The following TIAM2 variants were observed in gnomAD, a reference collection of about 807,000 sequenced individuals.
TIAM2 encodes the protein TIAM Rac1 associated GEF 2, also known as rho guanine nucleotide exchange factor TIAM2.
A neutral mutation model predicts 152.9 loss-of-function variants in TIAM2; 80 were observed. The ratio of observed to expected loss-of-function variants is 0.52; its 90% confidence interval spans 0.44 to 0.63. The LOEUF (loss-of-function observed/expected upper bound fraction) is 0.63, where lower values mean the gene tolerates loss of function less well. TIAM2 is among the 30% of genes least tolerant of loss of function. The probability of loss-of-function intolerance (pLI) is 0.00; values close to 1 mark genes in which losing one functional copy is unlikely to be tolerated. For missense variants in TIAM2, 1,965 were observed against 2,120.1 expected (o/e 0.93, Z 1.44); for synonymous variants, 804 against 838.0 (o/e 0.96, Z 0.70).
At position 155,214,467 on chromosome 6, in the gene TIAM2, C is replaced by T. The variant is rs1029517145; in HGVS notation, c.3168+3160C>T. 5.9e-5 allele frequency among the ~76,000 whole-genome samples: 9 copies of T among 152,290 alleles called. No homozygotes were observed. Among genetic ancestry groups the T allele is most frequent in the Non-Finnish European group, 1.2e-4 (8 of 68,014 alleles). On this transcript the variant is annotated intron_variant, in intron 15 of 26. Coordinates refer to ENST00000682666, the MANE Select transcript of TIAM2 (RefSeq NM_012454.4). This position sits in a 1 kb window ranked among gnomAD's most constrained non-coding sequence, Gnocchi z 5.4. ...AAGCAGCTATGGGCTCTCAGCCTCC[C>T]CTCTCTTCTCCCTTTCACTTCCTCA...
intron 1 of TIAM2, among the ~76,000 whole-genome samples, chr6:155,054,175 C>G (rs751946588): frequency 6.6e-6 from 1 of 151,818 alleles, no homozygotes; most frequent in Non-Finnish European, 1.5e-5. Flanking sequence ...CTGCATCTCA[C>G]AAACAAAACA....
At chr6:155,253,105 C>T (rs1347659720) in intron 24 of TIAM2, 52 bp downstream of exon 24, 2 of 1,446,590 alleles carry the variant, frequency 1.4e-6, no homozygotes, top group Non-Finnish European at 1.9e-6. Flanking sequence ...GTAGACTTAA[C>T]TGTGGAATGT....
intron 9 of TIAM2, among the ~76,000 whole-genome samples, chr6:155,172,039 A>C (rs1467902179): frequency 6.6e-6 from 1 of 152,184 alleles, no homozygotes; most frequent in African/African-American, 2.4e-5. Flanking sequence ...GAACACACGG[A>C]GTTTCAATTT....
At chr6:155,168,736 C>A in intron 9 of TIAM2, 1 of 842,508 alleles carries the variant, frequency 1.2e-6, no homozygotes, top group Non-Finnish European at 1.8e-6. Flanking sequence ...TGATATGAAG[C>A]TCTTCTAAAA....
chr6:155,012,385 C>G (rs1778504327), intron 1 of TIAM2, among the ~76,000 whole-genome samples: 1 of 152,066 alleles, frequency 6.6e-6, no homozygotes, highest in Admixed American at 6.6e-5. Flanking sequence ...TGTAGTCTTA[C>G]AGAAAGCACA....
chr6:155,083,348 CAAA>C lies in TIAM2; in HGVS notation c.-208-6923_-208-6921del, dbSNP rs574203207. 2.5e-3 allele frequency among the ~76,000 whole-genome samples: 224 copies of C among 89,912 alleles called. 1 individual carries two copies. The Middle Eastern group carries it at 0.028, about 11-fold the overall frequency. The allele number at this position is 89,912 out of a possible 152,430, so 59.0% of individuals were successfully genotyped here. On this transcript the variant is annotated intron_variant, in intron 1 of 26. Transcript: ENST00000682666. ...TGGGCAACAGAGTGAGACTTTATCTCAAAAAAAAAAAAAAAAAAAAGAGAGAGA... is the reference window on the plus strand; with the variant it reads ...TGGGCAACAGAGTGAGACTTTATCTCAAAAAAAAAAAAAAAAAGAGAGAGA...
In TIAM2 at chr6:155,248,258, G is replaced by C. The variant is rs559665245; in HGVS notation, c.3832+79G>C. 29 of 1,482,336 alleles carry C rather than the reference G, an allele frequency of 2.0e-5. No homozygotes were observed. In the African/African-American group the frequency reaches 3.1e-4, roughly 16 times the overall value. The allele number at this position is 1,482,336 out of a possible 1,614,324, so 91.8% of individuals were successfully genotyped here. A position where few individuals can be genotyped will look rare whatever the true frequency, so the allele number is the denominator to read the frequency against. ...TGCCAGCCGTGCCCTGGGCCTGACA[G>C]CTCACCTCTTCCCCGCCTAGTGGCA... On this transcript the variant is annotated intron_variant, in intron 20 of 26. Coordinates refer to ENST00000682666, the MANE Select transcript of TIAM2 (RefSeq NM_012454.4).
chr6:155,078,063 T>G lies in TIAM2; in HGVS notation c.-208-12226T>G, dbSNP rs79661155. On this transcript the variant is annotated intron_variant, in intron 1 of 26. Coordinates refer to ENST00000682666, the MANE Select transcript of TIAM2 (RefSeq NM_012454.4). ...GACCTCTGACTTCTGCTTTCCAACT[T>G]GACTTTTTTTTTTGAGACAGGGTCT... is the stretch of plus-strand genomic sequence containing the variant. 7.2e-4 allele frequency among the ~76,000 whole-genome samples: 109 copies of G among 152,186 alleles called. 2 individuals are homozygous for G. The East Asian group carries it at 0.014, about 20-fold the overall frequency.
intron 1 of TIAM2, among the ~76,000 whole-genome samples, chr6:155,031,070 A>G (rs767853521): frequency 2.6e-5 from 4 of 152,226 alleles, no homozygotes; most frequent in Admixed American, 6.5e-5. Context: ...ATGAAATTCT[A>G]TGGAATTGGT....
At chr6:154,997,457 G>A (rs1418498967) in intron 1 of TIAM2, among the ~76,000 whole-genome samples, 2 of 151,786 alleles carry the variant, frequency 1.3e-5, no homozygotes, top group Admixed American at 6.6e-5. Flanking sequence ...CCTCTAGTGC[G>A]CTCCTCTCCA....
At chr6:155,037,246 G>A (rs1258654972) in intron 1 of TIAM2, among the ~76,000 whole-genome samples, 3 of 152,138 alleles carry the variant, frequency 2.0e-5, no homozygotes, top group Non-Finnish European at 4.4e-5. Flanking sequence ...TACTGACCTC[G>A]AATAGAGTTG....
At chr6:155,227,509 T>C (rs1445977404) in intron 15 of TIAM2, among the ~76,000 whole-genome samples, 1 of 152,212 alleles carries the variant, frequency 6.6e-6, no homozygotes, top group Non-Finnish European at 1.5e-5. Flanking sequence ...TGCCAGCTTC[T>C]AAAGCACTTC....
intron 9 of TIAM2, among the ~76,000 whole-genome samples, chr6:155,171,212 C>G (rs1363104855): frequency 6.6e-6 from 1 of 152,202 alleles, no homozygotes; most frequent in Non-Finnish European, 1.5e-5. Flanking sequence ...GTGAGTCACC[C>G]TAATTCAAAA....
chr6:155,051,974 A>G (rs895356497), intron 1 of TIAM2, among the ~76,000 whole-genome samples: 44 of 151,962 alleles, frequency 2.9e-4, no homozygotes, highest in African/African-American at 1.1e-3. Context: ...GATTTCTGAA[A>G]TCTCCCCTCT....
At chr6:155,110,671 C>A (rs76041236) in intron 2 of TIAM2, among the ~76,000 whole-genome samples, 162 of 152,314 alleles carry the variant, frequency 1.1e-3, no homozygotes, top group African/African-American at 3.7e-3. Flanking sequence ...TTTGTTACTT[C>A]TGTGCCTTAC....
intron 1 of TIAM2, among the ~76,000 whole-genome samples, chr6:155,049,351 A>T (rs1189253313): frequency 6.6e-6 from 1 of 152,138 alleles, no homozygotes; most frequent in African/African-American, 2.4e-5. Flanking sequence ...TTTTCACAGA[A>T]GGCTGGTTCT....
At chr6:155,162,922 A>C (rs1187702605) in intron 7 of TIAM2, among the ~76,000 whole-genome samples, 1 of 152,340 alleles carries the variant, frequency 6.6e-6, no homozygotes, top group South Asian at 2.1e-4. Flanking sequence ...TTCTTTGTTT[A>C]GATCTTGTGA....
rs539896868 is a variant in TIAM2, at chr6:155,129,923, C to T, written c.700C>T (p.Arg234Cys). The change falls in exon 4 of 27, where the codon CGC (arginine) becomes TGC (cysteine). Residue 234 changes from arginine (R) to cysteine (C), a missense_variant. This residue lies in a region of TIAM2 where 1,025 missense variants were observed against 1,119.4 expected (regional missense o/e 0.92). Coordinates refer to ENST00000682666, the MANE Select transcript of TIAM2 (RefSeq NM_012454.4). The surrounding 1 kb of genome is among the most constrained non-coding windows in gnomAD (Gnocchi z 4.8). ...PSHRPSPTDS[R>C]LRSSKGSSLS... ...CCATCGCCCCTCTCCCACGGACTCT[C>T]GCCTGCGGTCCAGCAAAGGCAGCTC... The T allele has an allele frequency of 1.9e-5, 30 of 1,613,872 alleles. No homozygotes were observed. Among genetic ancestry groups the T allele is most frequent in the East Asian group, 4.5e-5 (2 of 44,888 alleles).
intron 1 of TIAM2, among the ~76,000 whole-genome samples, chr6:155,063,909 C>T (rs1395326539): frequency 1.3e-5 from 2 of 150,950 alleles, no homozygotes; most frequent in Non-Finnish European, 2.9e-5. Context: ...TCAATAATAG[C>T]CTTGGATTAA....
Sources: gnomAD v4.1 joint callset for allele counts (sites outside exome capture counted in the v4.1 genomes callset) on GRCh38, gnomAD v4.1.1 for gene constraint, gnomAD v4.1.1 regional missense constraint, Gnocchi (gnomAD v3.1) non-coding constraint, MANE v1.5 for transcripts, NCBI Gene and HGNC (gene_info 2026-07-23, HGNC 2026-07-21) for gene names.